The following CALCR variants were observed in gnomAD, a reference collection of about 807,000 sequenced individuals.
CALCR encodes calcitonin receptor.
Under a neutral mutation model 59.5 loss-of-function variants are expected in CALCR, and 47 were observed. That is an observed-to-expected ratio of 0.79 (90% CI 0.63 to 1.01). The LOEUF is 1.01. Ranked by LOEUF, CALCR falls within the 50% of genes least tolerant of loss-of-function variation. CALCR has a pLI of 0.00. For synonymous variants in CALCR, 213 were observed against 211.3 expected, an observed-to-expected ratio of 1.01 and a Z score of -0.07; for missense variants, 566 against 597.1, an observed-to-expected ratio of 0.95 and a Z score of 0.54.
intron 2 of CALCR, among the ~76,000 whole-genome samples, chr7:93,553,633 A>G (rs541276544): frequency 5.0e-4 from 76 of 152,198 alleles, no homozygotes; most frequent in African/African-American, 1.8e-3. Context: ...CTGTGCCTCA[A>G]TGTCCCCATT....
At chr7:93,536,103 AC>A in intron 2 of CALCR, among the ~76,000 whole-genome samples, 1 of 151,944 alleles carries the variant, frequency 6.6e-6, no homozygotes, top group African/African-American at 2.4e-5. Flanking sequence ...AAAAGGAGTA[AC>A]TTAACTGGTG....
chr7:93,486,842 T>C lies in CALCR; in HGVS notation c.51+89A>G, dbSNP rs1351296629. 5 of 844,190 alleles carry C rather than the reference T, an allele frequency of 5.9e-6. No individual in the cohort carries two copies. In the Admixed American group the frequency reaches 1.0e-4, roughly 18 times the overall value. 52.3% of individuals were successfully genotyped at this position (844,190 alleles called of 1,614,324 possible). A position where few individuals can be genotyped will look rare whatever the true frequency, so the allele number is the denominator to read the frequency against. ...GCTTCTGGAGACCAATGCCTACCCT[T>C]GCAAATACTAATTAAATCACACTCA... On this transcript the variant is annotated intron_variant, in intron 3 of 13. Transcript: ENST00000426151.
intron 2 of CALCR, among the ~76,000 whole-genome samples, chr7:93,510,328 G>A (rs979368028): frequency 2.6e-5 from 4 of 152,042 alleles, no homozygotes; most frequent in East Asian, 1.9e-4. Flanking sequence ...AAGGTCCCTC[G>A]TTAATATTGA....
chr7:93,459,996 C>T (rs577613291), intron 8 of CALCR, among the ~76,000 whole-genome samples: 1 of 152,214 alleles, frequency 6.6e-6, no homozygotes, highest in South Asian at 2.1e-4. Flanking sequence ...TAAACCTTTT[C>T]CAAAGCATAA....
chr7:93,447,543 G>C (rs1423812685), intron 8 of CALCR, among the ~76,000 whole-genome samples: 1 of 151,846 alleles, frequency 6.6e-6, no homozygotes, highest in Admixed American at 6.6e-5. Flanking sequence ...TTAAGTATGA[G>C]AAATAGAGGA....
At position 93,536,009 on chromosome 7, in the gene CALCR, T is replaced by G. The variant is rs1352406346; in HGVS notation, c.-27+38280A>C. 3.3e-5 allele frequency among the ~76,000 whole-genome samples: 5 copies of G among 151,866 alleles called. No homozygotes were observed. The East Asian group carries it at 9.6e-4, about 29-fold the overall frequency. On this transcript the variant is annotated intron_variant, in intron 2 of 13. Transcript: ENST00000426151. ...GTATCACATTGAATAACTTTATGTATTTATTTAATGTTATTATCTGTATGT... is the reference window on the plus strand; with the variant it reads ...GTATCACATTGAATAACTTTATGTAGTTATTTAATGTTATTATCTGTATGT...
In CALCR at chr7:93,472,364, A is replaced by G. The variant is rs1800570412; in HGVS notation, c.429+11T>C. The G allele has an allele frequency of 6.7e-7, 1 of 1,492,098 alleles. No homozygotes were observed. The highest frequency in any genetic ancestry group is 1.4e-5 in the African/African-American group (1 of 72,126). 92.4% of individuals were successfully genotyped at this position (1,492,098 alleles called of 1,614,324 possible). The stretch of plus-strand genomic sequence containing the variant: ...TTCTCACTCAATACTGAAACGTGAA[A>G]AAGAACCTACCTTCAGTTTCTCAGG... On this transcript the variant is annotated intron_variant, in intron 6 of 13. Coordinates refer to ENST00000426151, the MANE Select transcript of CALCR (RefSeq NM_001742.4).
rs187796584 is a variant in CALCR at position 93,505,810 on chromosome 7, A to G, written c.-26-18803T>C. Among the ~76,000 whole-genome samples the G allele has an allele frequency of 4.8e-3, 729 of 152,248 alleles. 4 individuals carry two copies. The highest frequency in any genetic ancestry group is 7.1e-3 in the Non-Finnish European group (482 of 68,016). Reference sequence around the variant, plus strand: ...TATACAGGTTAAAAGGCCACCTGGGACTAGGTATGTTCAAAATGGCGGCTC... The same window carrying G: ...TATACAGGTTAAAAGGCCACCTGGGGCTAGGTATGTTCAAAATGGCGGCTC... On this transcript the variant is annotated intron_variant, in intron 2 of 13. Transcript: ENST00000426151.
At chr7:93,461,524 T>A (rs1410096082) in intron 7 of CALCR, among the ~76,000 whole-genome samples, 2 of 152,154 alleles carry the variant, frequency 1.3e-5, no homozygotes, top group Non-Finnish European at 2.9e-5. Context: ...TAGTTCCTCT[T>A]TTCCAACCCT....
intron 8 of CALCR, among the ~76,000 whole-genome samples, chr7:93,452,070 C>T (rs1249380174): frequency 6.6e-6 from 1 of 151,884 alleles, no homozygotes; most frequent in Non-Finnish European, 1.5e-5. Context: ...TTATTGGGTA[C>T]TATGCTCACT....
At chr7:93,560,855 A>C (rs1789729960) in intron 2 of CALCR, among the ~76,000 whole-genome samples, 3 of 152,158 alleles carry the variant, frequency 2.0e-5, no homozygotes, top group Non-Finnish European at 4.4e-5. Context: ...CTCAAGCTCC[A>C]ACTTCATCAC....
At chr7:93,439,029 TA>T (rs1562974244) in intron 9 of CALCR, among the ~76,000 whole-genome samples, 1 of 152,162 alleles carries the variant, frequency 6.6e-6, no homozygotes, top group Non-Finnish European at 1.5e-5. Context: ...TAATTTTCAT[TA>T]AAAAAGAAAA....
At chr7:93,544,511 T>A (rs928208435) in intron 2 of CALCR, among the ~76,000 whole-genome samples, 1 of 152,228 alleles carries the variant, frequency 6.6e-6, no homozygotes, top group African/African-American at 2.4e-5. Context: ...TAGATGTATT[T>A]TTAATAACAT....
At position 93,451,026 on chromosome 7, in the gene CALCR, C is replaced by CT. The variant is rs1201848488; in HGVS notation, c.649-7270dup. Among the ~76,000 whole-genome samples, 440 of 145,630 alleles carry CT rather than the reference C, an allele frequency of 3.0e-3. 1 individual carries two copies. Among genetic ancestry groups the CT allele is most frequent in the Non-Finnish European group, 3.6e-3 (234 of 65,726 alleles). ...CCAATTTATCTATTTAGTTGTAATA[C>CT]TTTTTTTTTTTTGAGACACTTCCTG... On this transcript the variant is annotated intron_variant, in intron 8 of 13. Transcript: ENST00000426151.
At chr7:93,504,664 C>T (rs1224496507) in intron 2 of CALCR, among the ~76,000 whole-genome samples, 1 of 151,976 alleles carries the variant, frequency 6.6e-6, no homozygotes, top group Non-Finnish European at 1.5e-5. Context: ...TTCCTTTTTC[C>T]CCCTAAGCAA....
At chr7:93,542,961 A>AT (rs34378950) in intron 2 of CALCR, among the ~76,000 whole-genome samples, 2,639 of 149,218 alleles carry the variant, frequency 0.018, 33 homozygotes, top group Non-Finnish European at 0.02. Context: ...CAGTTCACTG[A>AT]TTTTTTTTTT....
At chr7:93,492,304 T>C (rs1801098827) in intron 2 of CALCR, among the ~76,000 whole-genome samples, 1 of 151,144 alleles carries the variant, frequency 6.6e-6, no homozygotes, top group African/African-American at 2.4e-5. Context: ...AAAAATTTTA[T>C]TTTTTAAAAA....
chr7:93,542,750 T>A (rs549608153), intron 2 of CALCR, among the ~76,000 whole-genome samples: 3 of 152,226 alleles, frequency 2.0e-5, no homozygotes, highest in Admixed American at 2.0e-4. Flanking sequence ...TTTTTAAACT[T>A]TTTTGTTAAA....
chr7:93,432,757 G>A (rs771762965), intron 13 of CALCR, among the ~76,000 whole-genome samples: 1 of 151,990 alleles, frequency 6.6e-6, no homozygotes, highest in Non-Finnish European at 1.5e-5. Flanking sequence ...TCTCATATTA[G>A]CTCTATTTTG....
Sources: gnomAD v4.1 joint callset for allele counts (sites outside exome capture counted in the v4.1 genomes callset) on GRCh38, gnomAD v4.1.1 for gene constraint, MANE v1.5 for transcripts, NCBI Gene and HGNC (gene_info 2026-07-23, HGNC 2026-07-21) for gene names.